C14orf132: variants seen among roughly 807,000 people sequenced by gnomAD.
C14orf132 encodes the protein uncharacterized protein C14orf132.
A neutral mutation model predicts 5.8 loss-of-function variants in C14orf132; 6 were observed. The observed-to-expected ratio is 1.03, with a 90% CI of 0.57 to 2.04. C14orf132 has a LOEUF of 2.04. Among genes scored for constraint, C14orf132 ranks in the 30% most tolerant of loss-of-function variants. The probability of loss-of-function intolerance (pLI) is 0.00; values close to 1 mark genes in which losing one functional copy is unlikely to be tolerated. For missense variants in C14orf132, 125 were observed against 115.8 expected (o/e 1.08, Z -0.37); for synonymous variants, 51 against 49.8 (o/e 1.02, Z -0.10).
At chr14:96,079,872 C>T (rs1273033928) in intron 1 of C14orf132, among the ~76,000 whole-genome samples, 2 of 152,090 alleles carry the variant, frequency 1.3e-5, no homozygotes, top group African/African-American at 2.4e-5. Flanking sequence ...AGATTAGCCA[C>T]ATATTGAGTT....
chr14:96,046,639 C>T (rs143197029), intron 1 of C14orf132, among the ~76,000 whole-genome samples: 67 of 152,324 alleles, frequency 4.4e-4, no homozygotes, highest in African/African-American at 1.4e-3. Context: ...TGGCCCTTGC[C>T]AGGTGGGAAG....
intron 1 of C14orf132, among the ~76,000 whole-genome samples, chr14:96,048,779 G>T (rs1886909942): frequency 6.6e-6 from 1 of 152,088 alleles, no homozygotes; most frequent in Non-Finnish European, 1.5e-5. Context: ...GCCTGCCTCG[G>T]CCTCCCAAAG....
At chr14:96,079,298 G>A (rs1422545147) in intron 1 of C14orf132, among the ~76,000 whole-genome samples, 1 of 152,142 alleles carries the variant, frequency 6.6e-6, no homozygotes, top group African/African-American at 2.4e-5. Context: ...TTAGTCACTT[G>A]CCCTCATCAT....
At chr14:96,054,310 G>A (rs1473158711) in intron 1 of C14orf132, among the ~76,000 whole-genome samples, 1 of 152,194 alleles carries the variant, frequency 6.6e-6, no homozygotes, top group Non-Finnish European at 1.5e-5. Context: ...GGGAAATCAC[G>A]TCATGGTCCC....
At chr14:96,065,045 A>G (rs1221615124) in intron 1 of C14orf132, among the ~76,000 whole-genome samples, 1 of 151,994 alleles carries the variant, frequency 6.6e-6, no homozygotes, top group African/African-American at 2.4e-5. Flanking sequence ...ATACATAGGT[A>G]GGGGGTTTTG....
intron 1 of C14orf132, among the ~76,000 whole-genome samples, chr14:96,072,121 G>A (rs75987553): frequency 0.03 from 4,582 of 152,316 alleles, 226 homozygotes; most frequent in African/African-American, 0.1. Flanking sequence ...GGGACTCAGG[G>A]AGCCGTGCCC....
intron 1 of C14orf132, among the ~76,000 whole-genome samples, chr14:96,067,729 G>A (rs1392939955): frequency 6.6e-6 from 1 of 151,886 alleles, no homozygotes; most frequent in Non-Finnish European, 1.5e-5. Context: ...CATGCACTCA[G>A]TGTAGGTCCC....
intron 1 of C14orf132, among the ~76,000 whole-genome samples, chr14:96,082,048 C>G (rs1191983450): frequency 6.6e-6 from 1 of 152,148 alleles, no homozygotes; most frequent in African/African-American, 2.4e-5. Flanking sequence ...GACTAGTTTT[C>G]TTGTTCTGCC....
chr14:96,048,979 T>TAGTG (rs1321334394), intron 1 of C14orf132, among the ~76,000 whole-genome samples: 1 of 152,006 alleles, frequency 6.6e-6, no homozygotes, highest in Admixed American at 6.6e-5. Context: ...GGCTTGAGTG[T>TAGTG]AGTGGTATGA....
At chr14:96,042,115 G>A (rs80353693) in intron 1 of C14orf132, among the ~76,000 whole-genome samples, 1,988 of 152,316 alleles carry the variant, frequency 0.013, 37 homozygotes, top group African/African-American at 0.045. Context: ...GAGAATGGGG[G>A]CTGAAGATGG....
chr14:96,049,794 G>A (rs1166135207), intron 1 of C14orf132, among the ~76,000 whole-genome samples: 2 of 130,682 alleles, frequency 1.5e-5, no homozygotes, highest in South Asian at 2.4e-4. Context: ...GTTTCTGTTT[G>A]TGTTTTATTT....
intron 1 of C14orf132, among the ~76,000 whole-genome samples, chr14:96,079,082 C>T (rs1490226828): frequency 6.6e-6 from 1 of 152,238 alleles, no homozygotes; most frequent in African/African-American, 2.4e-5. Flanking sequence ...AGACCCCACT[C>T]TGGAGACACC....
intron 1 of C14orf132, among the ~76,000 whole-genome samples, chr14:96,047,579 C>T (rs1332199981): frequency 6.6e-6 from 1 of 152,234 alleles, no homozygotes; most frequent in African/African-American, 2.4e-5. Flanking sequence ...TGCTGAGCAA[C>T]ACACACAATC....
In C14orf132 at chr14:96,086,699, C is replaced by G. The variant is rs756995789; in HGVS notation, c.216C>G (p.Ile72Met). 3.9e-6 allele frequency: 6 copies of G among 1,536,156 alleles called. No individual in the cohort carries two copies. In the East Asian group the frequency reaches 7.3e-5, roughly 19 times the overall value. ...CCATCATAGCTACGCTGGGGAACAT[C>G]GTGGTGGTGGGCGTGGTGTATGCCT... ...WIAIIATLGN[I>M]VVVGVVYAFT... Residue 72 changes from isoleucine (I) to methionine (M), a missense_variant, in exon 2 of 2, where the codon ATC (isoleucine) becomes ATG (methionine). Transcript: ENST00000555004.
chr14:96,059,025 G>A (rs1008238091), intron 1 of C14orf132, among the ~76,000 whole-genome samples: 1 of 152,252 alleles, frequency 6.6e-6, no homozygotes, highest in Non-Finnish European at 1.5e-5. Context: ...ACTTTAGGAG[G>A]CTGAGGCGGG....
At position 96,061,852 on chromosome 14, in the gene C14orf132, G is replaced by A; in HGVS notation, c.27+22325G>A. On this transcript the variant is annotated intron_variant, in intron 1 of 1. Transcript: ENST00000555004. ...TTGAGCCCAAGAGTTTGAGGCTACA[G>A]TGAGCCAAGATCACACAACTGCATT... Among the ~76,000 whole-genome samples, 2 of 152,146 alleles carry A rather than the reference G, an allele frequency of 1.3e-5. 1 individual carries two copies. Among genetic ancestry groups the A allele is most frequent in the African/African-American group, 4.8e-5 (2 of 41,398 alleles).
intron 1 of C14orf132, among the ~76,000 whole-genome samples, chr14:96,077,207 A>G (rs780237687): frequency 6.6e-6 from 1 of 151,990 alleles, no homozygotes; most frequent in Non-Finnish European, 1.5e-5. Flanking sequence ...TTGATTTCCT[A>G]TTTCTTTCTA....
intron 1 of C14orf132, among the ~76,000 whole-genome samples, chr14:96,073,190 G>A (rs1232016347): frequency 6.6e-6 from 1 of 151,958 alleles, no homozygotes; most frequent in Non-Finnish European, 1.5e-5. Context: ...GATGTGTAGT[G>A]TTATCTCATA....
In C14orf132 at chr14:96,039,416, G is replaced by T. The variant is rs2139634501; in HGVS notation, c.-85G>T. ...GCGGTCTCCGGACGCTCGCTGCTCA[G>T]CCCGATCCCCGCCAACTGTGCAGGC... On this transcript the variant is annotated 5_prime_UTR_variant, in exon 1 of 2. Transcript: ENST00000555004. The surrounding 1 kb of genome is among the most constrained non-coding windows in gnomAD (Gnocchi z 5.3). 7.3e-7 allele frequency: 1 copy of T among 1,372,506 alleles called. No homozygotes were observed. Among genetic ancestry groups the T allele is most frequent in the Non-Finnish European group, 9.6e-7 (1 of 1,045,158 alleles). 85.0% of individuals were successfully genotyped at this position (1,372,506 alleles called of 1,614,324 possible).
Sources: allele counts gnomAD v4.1 joint callset (sites outside exome capture counted in the v4.1 genomes callset), GRCh38; gene constraint gnomAD v4.1.1; non-coding constraint Gnocchi (gnomAD v3.1); transcripts MANE v1.5; gene names NCBI Gene and HGNC (gene_info 2026-07-23, HGNC 2026-07-21).